The following CLIC1 variants were observed in gnomAD, a reference collection of about 807,000 sequenced individuals.
The protein encoded by CLIC1 is chloride intracellular channel protein 1.
A neutral mutation model predicts 26.4 loss-of-function variants in CLIC1; 16 were observed. The ratio of observed to expected loss-of-function variants is 0.61; its 90% CI spans 0.41 to 0.92. The LOEUF (loss-of-function observed/expected upper bound fraction) is 0.92, where lower values mean the gene tolerates loss of function less well. Ranked by LOEUF, CLIC1 falls within the 40% of genes least tolerant of loss-of-function variation. CLIC1 has a pLI of 0.00. For synonymous variants in CLIC1, 98 were observed against 120.8 expected, an observed-to-expected ratio of 0.81 and a Z score of 1.24; for missense variants, 225 against 289.7, an observed-to-expected ratio of 0.78 and a Z score of 1.62.
upstream of CLIC1, chr6:31,736,752 G>T: frequency 9.9e-7 from 1 of 1,006,074 alleles, no homozygotes; most frequent in Non-Finnish European, 1.2e-6. This position sits in a 1 kb window ranked among gnomAD's most constrained non-coding sequence, Gnocchi z 5.0. Context: ...TCATTAATCT[G>T]AGTACAACCC....
Position 31,732,184 on chromosome 6 carries a change from T to C in CLIC1, c.564+33A>G. On this transcript the variant is annotated intron_variant, in intron 5 of 5. Coordinates refer to ENST00000375784, the Ensembl canonical transcript of CLIC1. This position sits in a 1 kb window ranked among gnomAD's most constrained non-coding sequence, Gnocchi z 5.0. ...GGAGCTCCTTAAAGGGCCACTCCAG[T>C]GGTCATCCTCTCCTCCCGCAATAAC... is the stretch of plus-strand genomic sequence containing the variant. 7.1e-7 allele frequency: 1 copy of C among 1,411,210 alleles called. No individual in the cohort carries two copies. Among genetic ancestry groups the C allele is most frequent in the Non-Finnish European group, 9.3e-7 (1 of 1,071,992 alleles). 87.4% of individuals were successfully genotyped at this position (1,411,210 alleles called of 1,614,324 possible). A position where few individuals can be genotyped will look rare whatever the true frequency, so the allele number is the denominator to read the frequency against.
Position 31,732,038 on chromosome 6 carries a change from G to A in CLIC1, c.564+179C>T, listed in dbSNP as rs1233671148. ...ATGGAATATAATTATCTCAAGCAGT[G>A]GTCTTGTTAGCAATGACTGCTGCAA... On this transcript the variant is annotated intron_variant, in intron 5 of 5. Coordinates refer to ENST00000375784, the Ensembl canonical transcript of CLIC1. This position sits in a 1 kb window ranked among gnomAD's most constrained non-coding sequence, Gnocchi z 5.0. Among the ~76,000 whole-genome samples, 2 of 152,174 alleles carry A rather than the reference G, an allele frequency of 1.3e-5. No individual in the cohort carries two copies. Among genetic ancestry groups the A allele is most frequent in the Non-Finnish European group, 2.9e-5 (2 of 68,036 alleles).
Position 31,736,204 on chromosome 6 carries a change from G to A in CLIC1, c.39+58C>T, listed in dbSNP as rs1355253671. On this transcript the variant is annotated intron_variant, in intron 1 of 5. Transcript: ENST00000375784. This position sits in a 1 kb window ranked among gnomAD's most constrained non-coding sequence, Gnocchi z 5.0. The stretch of plus-strand genomic sequence containing the variant: ...ATTGGGGAGTTAAGGCTGGACCGGG[G>A]GAAAGGTGAGAGTTGGCTTCCAGGA... 8.9e-6 allele frequency: 14 copies of A among 1,577,542 alleles called. No individual in the cohort carries two copies. The highest frequency in any genetic ancestry group is 1.0e-5 in the Non-Finnish European group (12 of 1,147,956).
At position 31,734,739 on chromosome 6, in the gene CLIC1, C is replaced by T. The variant is rs140725250; in HGVS notation, c.40-476G>A. 1.3e-5 allele frequency among the ~76,000 whole-genome samples: 2 copies of T among 152,172 alleles called. No homozygotes were observed. The highest frequency in any genetic ancestry group is 6.5e-5 in the Admixed American group (1 of 15,288). On this transcript the variant is annotated intron_variant, in intron 1 of 5. Coordinates refer to ENST00000375784, the Ensembl canonical transcript of CLIC1. This position sits in a 1 kb window ranked among gnomAD's most constrained non-coding sequence, Gnocchi z 5.3. The stretch of plus-strand genomic sequence containing the variant: ...TCTAGTCAAGGGGCCCTGGGCCTCG[C>T]GCTAGAGATGTGGAGGGCCCTACAG...
rs931328335 is a variant in CLIC1, at chr6:31,734,904, C to A, written c.40-641G>T. On this transcript the variant is annotated intron_variant, in intron 1 of 5. Transcript: ENST00000375784. The surrounding 1 kb of genome is among the most constrained non-coding windows in gnomAD (Gnocchi z 5.3). Reference sequence around the variant, plus strand: ...GGGGGAAGGGACAGTGAGGATGAGGCCTGGGCAGCTAAGGCTACCCCTAAC... The same window carrying A: ...GGGGGAAGGGACAGTGAGGATGAGGACTGGGCAGCTAAGGCTACCCCTAAC... Among the ~76,000 whole-genome samples, 4 of 152,042 alleles carry A rather than the reference C, an allele frequency of 2.6e-5. No individual in the cohort carries two copies. Among genetic ancestry groups the A allele is most frequent in the Non-Finnish European group, 5.9e-5 (4 of 68,002 alleles).
chr6:31,730,598 A>C lies in CLIC1; in HGVS notation c.*244T>G, dbSNP rs934129872. The C allele has an allele frequency of 7.7e-6, 4 of 518,532 alleles. No individual in the cohort carries two copies. The highest frequency in any genetic ancestry group is 5.8e-5 in the African/African-American group (3 of 52,120). The allele number at this position is 518,532 out of a possible 1,614,324, so 32.1% of individuals were successfully genotyped here. A position where few individuals can be genotyped will look rare whatever the true frequency, so the allele number is the denominator to read the frequency against. On this transcript the variant is annotated 3_prime_UTR_variant, in exon 6 of 6. Transcript: ENST00000375784. The surrounding 1 kb of genome is among the most constrained non-coding windows in gnomAD (Gnocchi z 5.1). ...AATCCCCATTGCGTAAAAACACTTGATTTTTATTCTGTATTTTATTACTGA... is the reference window on the plus strand; with the variant it reads ...AATCCCCATTGCGTAAAAACACTTGCTTTTTATTCTGTATTTTATTACTGA...
Position 31,733,461 on chromosome 6 carries a change from CTTCATCTCCCTGA to C in CLIC1, c.382+92_382+104del. The C allele has an allele frequency of 1.3e-6, 1 of 773,838 alleles. No individual in the cohort carries two copies. Among genetic ancestry groups the C allele is most frequent in the Non-Finnish European group, 2.2e-6 (1 of 454,964 alleles). 47.9% of individuals were successfully genotyped at this position (773,838 alleles called of 1,614,324 possible). A position where few individuals can be genotyped will look rare whatever the true frequency, so the allele number is the denominator to read the frequency against. On this transcript the variant is annotated intron_variant, in intron 4 of 5. Transcript: ENST00000375784. This position sits in a 1 kb window ranked among gnomAD's most constrained non-coding sequence, Gnocchi z 5.4. ...GCTGGGGGAAATTTACGAACATCTG[CTTCATCTCCCTGA>C]TATCTGAACGTCCAGGTGCCCCTAA...
upstream of CLIC1, chr6:31,736,616 C>G: frequency 1.6e-6 from 2 of 1,244,548 alleles, no homozygotes; most frequent in Non-Finnish European, 2.0e-6. The surrounding 1 kb of genome is among the most constrained non-coding windows in gnomAD (Gnocchi z 5.0). Flanking sequence ...GGAGTGAGTC[C>G]GGAAGGGGAA....
chr6:31,733,442 G>A lies in CLIC1; in HGVS notation c.382+124C>T. 1 of 690,138 alleles carries A rather than the reference G, an allele frequency of 1.4e-6. No homozygotes were observed. 42.8% of individuals were successfully genotyped at this position (690,138 alleles called of 1,614,324 possible). A position where few individuals can be genotyped will look rare whatever the true frequency, so the allele number is the denominator to read the frequency against. ...GGTAAAGCAAAAATGGGAAGCTGGG[G>A]GAAATTTACGAACATCTGCTTCATC... On this transcript the variant is annotated intron_variant, in intron 4 of 5. Coordinates refer to ENST00000375784, the Ensembl canonical transcript of CLIC1. This position sits in a 1 kb window ranked among gnomAD's most constrained non-coding sequence, Gnocchi z 5.4.
Position 31,731,033 on chromosome 6 carries a change from A to G in CLIC1, c.565-30T>C, listed in dbSNP as rs776552058. ...GGATGGGGAGAGGAGAGGGACCAAC[A>G]TGTTAGACCCAGGGAAGCCACCTTG... On this transcript the variant is annotated intron_variant, in intron 5 of 5. Coordinates refer to ENST00000375784, the Ensembl canonical transcript of CLIC1. 4 of 1,604,872 alleles carry G rather than the reference A, an allele frequency of 2.5e-6. No individual in the cohort carries two copies. In the South Asian group the frequency reaches 4.4e-5, roughly 18 times the overall value.
chr6:31,735,226 G>A (rs908550195), intron 1 of CLIC1, among the ~76,000 whole-genome samples: 3 of 151,578 alleles, frequency 2.0e-5, no homozygotes, highest in Admixed American at 6.6e-5. Flanking sequence ...AAAGAAAGGC[G>A]GCAGGAAAGT....
rs773839201 is a variant in CLIC1, at chr6:31,732,298, A to C, written c.483T>G (p.Gly161=). 18 of 1,597,952 alleles carry C rather than the reference A, an allele frequency of 1.1e-5. No homozygotes were observed. The highest frequency in any genetic ancestry group is 1.0e-4 in the South Asian group (9 of 87,858). Residue 161 remains glycine, a synonymous_variant, in exon 5 of 6, where the codon GGT becomes GGG. Coordinates refer to ENST00000375784, the Ensembl canonical transcript of CLIC1. This position sits in a 1 kb window ranked among gnomAD's most constrained non-coding sequence, Gnocchi z 5.0. ...CATCCAAAAACTTCCTCTGAGAGAC[A>C]CCTTCATCTTCAGCACTGGTTTCAT... is the stretch of plus-strand genomic sequence containing the variant.
rs1808005487 is a variant in CLIC1, at chr6:31,732,123, T to TC, written c.564+93dup. The TC allele has an allele frequency of 9.3e-7, 1 of 1,071,216 alleles. No individual in the cohort carries two copies. Among genetic ancestry groups the TC allele is most frequent in the African/African-American group, 1.6e-5 (1 of 61,182 alleles). 66.4% of individuals were successfully genotyped at this position (1,071,216 alleles called of 1,614,324 possible). On this transcript the variant is annotated intron_variant, in intron 5 of 5. Transcript: ENST00000375784. This position sits in a 1 kb window ranked among gnomAD's most constrained non-coding sequence, Gnocchi z 5.0. ...TATGAAAACCACCCTAAGAAAGAAA[T>TC]CGTCTTTAGAGTGGTTGTCAGGGGA... is the stretch of plus-strand genomic sequence containing the variant.
At position 31,732,788 on chromosome 6, in the gene CLIC1, T is replaced by G. The variant is rs955713470; in HGVS notation, c.383-390A>C. Among the ~76,000 whole-genome samples, 2 of 151,060 alleles carry G rather than the reference T, an allele frequency of 1.3e-5. 1 individual carries two copies. The highest frequency in any genetic ancestry group is 4.0e-4 in the East Asian group (2 of 4,946). On this transcript the variant is annotated intron_variant, in intron 4 of 5. Transcript: ENST00000375784. This position sits in a 1 kb window ranked among gnomAD's most constrained non-coding sequence, Gnocchi z 5.0. The stretch of plus-strand genomic sequence containing the variant: ...CAACTCCTAACCTCAGGTGGTGCGC[T>G]AGCCTCGGCCTCCCAAAGTGAACAC...
rs747508536 is a variant in CLIC1 at position 31,736,306 on chromosome 6, C to A, written c.-6G>T. 1.9e-6 allele frequency: 3 copies of A among 1,612,832 alleles called. No individual in the cohort carries two copies. The highest frequency in any genetic ancestry group is 2.5e-6 in the Non-Finnish European group (3 of 1,179,974). ...TGCGGTTGTTCTTCAGCCATGGTTG[C>A]GTCGGGGACCAGGAAGTGGCCGTCC... On this transcript the variant is annotated 5_prime_UTR_variant, in exon 1 of 6. Transcript: ENST00000375784. This position sits in a 1 kb window ranked among gnomAD's most constrained non-coding sequence, Gnocchi z 5.0.
At chr6:31,736,592 A>T, upstream of CLIC1, 1 of 1,309,164 alleles carries the variant, frequency 7.6e-7, no homozygotes, top group Non-Finnish European at 9.8e-7. This position sits in a 1 kb window ranked among gnomAD's most constrained non-coding sequence, Gnocchi z 5.0. Flanking sequence ...GGGGGGCGGG[A>T]CTCGACGATG....
chr6:31,734,021 G>A lies in CLIC1; in HGVS notation c.150-60C>T. 2.5e-6 allele frequency: 4 copies of A among 1,602,970 alleles called. No homozygotes were observed. Among genetic ancestry groups the A allele is most frequent in the Non-Finnish European group, 3.4e-6 (4 of 1,172,818 alleles). On this transcript the variant is annotated intron_variant, in intron 2 of 5. Coordinates refer to ENST00000375784, the Ensembl canonical transcript of CLIC1. The surrounding 1 kb of genome is among the most constrained non-coding windows in gnomAD (Gnocchi z 5.3). ...GGGGTCAGGAAGAACCAGAAAGGGG[G>A]AATGGAGGACGTGGGATAAGAAAGG...
In CLIC1 at chr6:31,730,985, G is replaced by A. The variant is rs1057369845; in HGVS notation, c.583C>T (p.Arg195Trp). ...AAGGCCTCGGGGATGGTGAATCCCC[G>A]GTACTTCTTACACACCACCTGAGGA... The change falls in exon 6 of 6, where the codon CGG becomes TGG. Residue 195 changes from arginine (R) to tryptophan (W), a missense_variant. Transcript: ENST00000375784. The surrounding 1 kb of genome is among the most constrained non-coding windows in gnomAD (Gnocchi z 5.1). 2 of 1,612,682 alleles carry A rather than the reference G, an allele frequency of 1.2e-6. No individual in the cohort carries two copies. The highest frequency in any genetic ancestry group is 2.7e-5 in the African/African-American group (2 of 74,908).
chr6:31,736,598 C>T (rs550722391), upstream of CLIC1: 198 of 1,293,196 alleles, frequency 1.5e-4, no homozygotes, highest in Non-Finnish European at 1.9e-4. The surrounding 1 kb of genome is among the most constrained non-coding windows in gnomAD (Gnocchi z 5.0). Flanking sequence ...CGGGACTCGA[C>T]GATGTAGGGA....
Sources: gnomAD v4.1 joint callset for allele counts (sites outside exome capture counted in the v4.1 genomes callset) on GRCh38, gnomAD v4.1.1 for gene constraint, Gnocchi (gnomAD v3.1) non-coding constraint, MANE v1.5 for transcripts, NCBI Gene and HGNC (gene_info 2026-07-23, HGNC 2026-07-21) for gene names.